TMC7: variants seen among roughly 807,000 people sequenced by gnomAD.
TMC7 encodes transmembrane channel-like protein 7.
Under a neutral mutation model 82.9 loss-of-function variants are expected in TMC7, and 54 were observed. The observed-to-expected ratio is 0.65, with a 90% confidence interval of 0.52 to 0.82. TMC7 has a LOEUF of 0.82. TMC7 is among the 40% of genes least tolerant of loss of function. The probability of loss-of-function intolerance (pLI) is 0.00; values close to 1 mark genes in which losing one functional copy is unlikely to be tolerated. For synonymous variants in TMC7, 350 were observed against 337.9 expected, an observed-to-expected ratio of 1.04 and a Z score of -0.39; for missense variants, 820 against 901.2, an observed-to-expected ratio of 0.91 and a Z score of 1.15.
At chr16:19,054,508 G>T (rs1280653261) in intron 13 of TMC7, among the ~76,000 whole-genome samples, 1 of 152,044 alleles carries the variant, frequency 6.6e-6, no homozygotes, top group East Asian at 1.9e-4. Context: ...CTGAGGTCAG[G>T]AGTTCGAGAC....
intron 1 of TMC7, among the ~76,000 whole-genome samples, chr16:19,003,422 C>A (rs1431444644): frequency 6.7e-6 from 1 of 148,918 alleles, no homozygotes; most frequent in Non-Finnish European, 1.5e-5. Flanking sequence ...GGTCAGCCCC[C>A]CTGCCCGGCC....
At chr16:19,035,959 A>G (rs1960728171) in intron 7 of TMC7, 136 bp downstream of exon 7, 1 of 978,552 alleles carries the variant, frequency 1.0e-6, no homozygotes, top group Admixed American at 3.2e-5. Flanking sequence ...ACCCCTCTGT[A>G]GCTTTCAAGA....
rs1962033962 is a variant in TMC7 at position 19,062,108 on chromosome 16, C to G, written c.*265C>G. The G allele has an allele frequency of 1.8e-5, 7 of 386,378 alleles. No homozygotes were observed. The highest frequency in any genetic ancestry group is 2.8e-5 in the Non-Finnish European group (6 of 217,134). 23.9% of individuals were successfully genotyped at this position (386,378 alleles called of 1,614,324 possible). The stretch of plus-strand genomic sequence containing the variant: ...CTCTACCAAAAACCAACAAGCCATT[C>G]AAGCTTTTACAAGAATGAAAGAGCG... On this transcript the variant is annotated 3_prime_UTR_variant, in exon 16 of 16. Coordinates refer to ENST00000304381, the MANE Select transcript of TMC7 (RefSeq NM_024847.4).
At chr16:19,050,349 A>G (rs1335926211) in intron 12 of TMC7, among the ~76,000 whole-genome samples, 1 of 138,928 alleles carries the variant, frequency 7.2e-6, no homozygotes, top group African/African-American at 2.7e-5. Context: ...CCTGGGAGAC[A>G]GAGCGAGATT....
chr16:19,054,091 T>A (rs1961661647), intron 13 of TMC7, among the ~76,000 whole-genome samples: 2 of 152,198 alleles, frequency 1.3e-5, no homozygotes, highest in South Asian at 4.1e-4. Context: ...TCCAGCAATT[T>A]ATTTTTATCC....
At position 19,037,383 on chromosome 16, in the gene TMC7, T is replaced by C. The variant is rs1354993532; in HGVS notation, c.1006-491T>C. Among the ~76,000 whole-genome samples, 5 of 53,596 alleles carry C rather than the reference T, an allele frequency of 9.3e-5. No individual in the cohort carries two copies. The East Asian group carries it at 2.5e-3, about 27-fold the overall frequency. The allele number at this position is 53,596 out of a possible 152,430, so 35.2% of individuals were successfully genotyped here. A position where few individuals can be genotyped will look rare whatever the true frequency, so the allele number is the denominator to read the frequency against. On this transcript the variant is annotated intron_variant, in intron 7 of 15. Coordinates refer to ENST00000304381, the MANE Select transcript of TMC7 (RefSeq NM_024847.4). ...AGCCTGGCAACAGAGCGAGACTCTG[T>C]CTCAAAAAAAAAAAAAAAAAGAAAG...
At position 19,063,740 on chromosome 16, in the gene TMC7, A is replaced by G. The variant is rs563801625; in HGVS notation, c.*1897A>G. 13 of 152,096 alleles carry G rather than the reference A, an allele frequency of 8.5e-5. No homozygotes were observed. Among genetic ancestry groups the G allele is most frequent in the Admixed American group, 7.9e-4 (12 of 15,250 alleles). The allele number at this position is 152,096 out of a possible 1,614,324, so 9.4% of individuals were successfully genotyped here. On this transcript the variant is annotated 3_prime_UTR_variant, in exon 16 of 16. Coordinates refer to ENST00000304381, the MANE Select transcript of TMC7 (RefSeq NM_024847.4). ...CGTACTGCGTTTTTTTTCCTATTATAAAAGTGATACTGAAATATGCTAATT... is the reference window on the plus strand; with the variant it reads ...CGTACTGCGTTTTTTTTCCTATTATGAAAGTGATACTGAAATATGCTAATT...
intron 12 of TMC7, 41 bp from the exon 13 acceptor site, chr16:19,051,645 T>C: frequency 1.2e-6 from 2 of 1,610,440 alleles, no homozygotes; most frequent in Non-Finnish European, 1.7e-6. Flanking sequence ...ACAGAAGCTG[T>C]ACTTATTGAT....
At chr16:19,014,221 C>T (rs1266635472) in intron 2 of TMC7, among the ~76,000 whole-genome samples, 14 of 152,012 alleles carry the variant, frequency 9.2e-5, no homozygotes. Context: ...GGAGGGCTGT[C>T]TGTGGATTGG....
At chr16:18,991,851 T>C (rs2038957244) in intron 1 of TMC7, among the ~76,000 whole-genome samples, 3 of 152,172 alleles carry the variant, frequency 2.0e-5, no homozygotes, top group African/African-American at 7.2e-5. Context: ...TTTTTTGTCC[T>C]TGTTTGTTTG....
At chr16:19,009,543 T>A in intron 2 of TMC7, 128 bp downstream of exon 2, 1 of 1,223,796 alleles carries the variant, frequency 8.2e-7, no homozygotes, top group Non-Finnish European at 1.1e-6. Context: ...AAGCTAAGCC[T>A]CTTTGACAAA....
At chr16:18,989,280 G>T (rs547766092) in intron 1 of TMC7, among the ~76,000 whole-genome samples, 1 of 152,228 alleles carries the variant, frequency 6.6e-6, no homozygotes, top group East Asian at 1.9e-4. Context: ...CCATTTGCAG[G>T]CTGGATTCGT....
intron 2 of TMC7, among the ~76,000 whole-genome samples, chr16:19,010,417 G>C (rs906736410): frequency 1.3e-5 from 2 of 152,034 alleles, no homozygotes; most frequent in African/African-American, 4.8e-5. Flanking sequence ...GCCTCCCAAA[G>C]TGCTGGGATT....
At chr16:19,028,575 A>G (rs1028440608) in intron 5 of TMC7, among the ~76,000 whole-genome samples, 14 of 152,124 alleles carry the variant, frequency 9.2e-5, no homozygotes, top group African/African-American at 3.1e-4. Flanking sequence ...CTGTAAATCA[A>G]TTTGAGGAAT....
At chr16:19,027,753 T>C (rs898226964) in intron 5 of TMC7, among the ~76,000 whole-genome samples, 4 of 152,162 alleles carry the variant, frequency 2.6e-5, no homozygotes, top group Non-Finnish European at 5.9e-5. Context: ...CATGACTTAA[T>C]TACCCAGATA....
At chr16:19,023,308 A>G (rs921731608) in intron 5 of TMC7, 113 bp downstream of exon 5, 28 of 578,232 alleles carry the variant, frequency 4.8e-5, no homozygotes, top group African/African-American at 2.3e-4. Flanking sequence ...GTGTTGGTTG[A>G]CACATGTACC....
chr16:19,032,012 AG>A (rs1429487038), intron 6 of TMC7, among the ~76,000 whole-genome samples: 4 of 152,212 alleles, frequency 2.6e-5, no homozygotes, highest in African/African-American at 9.6e-5. Flanking sequence ...CTATTTACCC[AG>A]CAGTGACACT....
At chr16:19,002,852 G>A (rs1399673476) in intron 1 of TMC7, among the ~76,000 whole-genome samples, 1 of 152,210 alleles carries the variant, frequency 6.6e-6, no homozygotes, top group Non-Finnish European at 1.5e-5. Context: ...CAACAGCAAG[G>A]CTCTTGGCTG....
At chr16:19,011,427 G>A (rs1447548126) in intron 2 of TMC7, among the ~76,000 whole-genome samples, 1 of 151,990 alleles carries the variant, frequency 6.6e-6, no homozygotes, top group Non-Finnish European at 1.5e-5. Context: ...ACAGCAACTT[G>A]AGAGGCTGAC....
Sources: allele counts gnomAD v4.1 joint callset (sites outside exome capture counted in the v4.1 genomes callset), GRCh38; gene constraint gnomAD v4.1.1; transcripts MANE v1.5; gene names NCBI Gene and HGNC (gene_info 2026-07-23, HGNC 2026-07-21).